The following ABCA1 variants were observed in gnomAD, a reference collection of about 807,000 sequenced individuals.
ABCA1 encodes phospholipid-transporting ATPase ABCA1.
Under a neutral mutation model 262.5 loss-of-function variants are expected in ABCA1, and 133 were observed. The observed-to-expected ratio is 0.51, with a 90% CI of 0.44 to 0.59. The LOEUF (loss-of-function observed/expected upper bound fraction) is 0.59, where lower values mean the gene tolerates loss of function less well. Ranked by LOEUF, ABCA1 falls within the 20% of genes least tolerant of loss-of-function variation. The pLI is 0.00. For synonymous variants in ABCA1, 1,022 were observed against 1,043.5 expected, an observed-to-expected ratio of 0.98 and a Z score of 0.40; for missense variants, 2,452 against 2,777.5, an observed-to-expected ratio of 0.88 and a Z score of 2.63.
At chr9:104,856,680 A>G (rs1465227770) in intron 7 of ABCA1, among the ~76,000 whole-genome samples, 1 of 152,188 alleles carries the variant, frequency 6.6e-6, no homozygotes, top group Non-Finnish European at 1.5e-5. Flanking sequence ...ATAGGTGTTT[A>G]ATGAGTAAAC....
chr9:104,910,135 G>A (rs1275977147), intron 1 of ABCA1, among the ~76,000 whole-genome samples: 1 of 152,170 alleles, frequency 6.6e-6, no homozygotes, highest in African/African-American at 2.4e-5. Context: ...TCCAGAAGAG[G>A]GAAGTCTCCA....
chr9:104,825,978 A>C, intron 16 of ABCA1, 91 bp from the exon 17 acceptor site: 1 of 1,330,610 alleles, frequency 7.5e-7, no homozygotes, highest in Non-Finnish European at 1.1e-6. Context: ...GAGAAATTTG[A>C]ATTTGCAAAA....
chr9:104,888,063 GTGTGT>G (rs1839353949), intron 3 of ABCA1, among the ~76,000 whole-genome samples: 1 of 137,792 alleles, frequency 7.3e-6, no homozygotes, highest in African/African-American at 2.5e-5. Context: ...TGAGGGGTGT[GTGTGT>G]GTGTGTGTGT....
chr9:104,784,939 C>T (rs897284176), intron 49 of ABCA1, among the ~76,000 whole-genome samples: 34 of 152,130 alleles, frequency 2.2e-4, no homozygotes, highest in Admixed American at 1.3e-3. Flanking sequence ...CCACCACGCC[C>T]GGCCAAAAAC....
intron 5 of ABCA1, among the ~76,000 whole-genome samples, chr9:104,877,866 C>A (rs1385568664): frequency 6.6e-6 from 1 of 152,228 alleles, no homozygotes; most frequent in African/African-American, 2.4e-5. Context: ...TTCCAATCTT[C>A]AATCATTTAC....
chr9:104,842,085 T>G (rs1211424138), intron 8 of ABCA1, among the ~76,000 whole-genome samples: 2 of 152,140 alleles, frequency 1.3e-5, no homozygotes, highest in African/African-American at 4.8e-5. Flanking sequence ...CTGGTTCCTG[T>G]GAGTGGCGTG....
rs745530790 is a variant in ABCA1, at chr9:104,817,422, G to A, written c.3463-18C>T. On this transcript the variant is annotated intron_variant, in intron 23 of 49. Transcript: ENST00000374736. This position sits in a 1 kb window ranked among gnomAD's most constrained non-coding sequence, Gnocchi z 4.7. ...CTGTCCTCCTGATGGCAAAGAAGGA[G>A]GTGAGAACGGGTCAGGGACGGAGCA... 1 of 1,614,130 alleles carries A rather than the reference G, an allele frequency of 6.2e-7. No homozygotes were observed. The highest frequency in any genetic ancestry group is 1.1e-5 in the South Asian group (1 of 91,084).
chr9:104,796,616 G>A (rs1273735023), intron 37 of ABCA1, among the ~76,000 whole-genome samples, 192 bp from the exon 38 acceptor site: 1 of 152,212 alleles, frequency 6.6e-6, no homozygotes, highest in African/African-American at 2.4e-5. Context: ...CCCCTTGGCT[G>A]ATTTTATAAA....
At chr9:104,926,668 C>A (rs1161029181) in intron 1 of ABCA1, among the ~76,000 whole-genome samples, 2 of 152,288 alleles carry the variant, frequency 1.3e-5, no homozygotes, top group African/African-American at 2.4e-5. Context: ...CCCAGCACCC[C>A]CACCCTCACG....
chr9:104,837,503 T>A lies in ABCA1; in HGVS notation c.1119A>T (p.Lys373Asn), dbSNP rs1257722722. 6.2e-7 allele frequency: 1 copy of A among 1,614,152 alleles called. No individual in the cohort carries two copies. The highest frequency in any genetic ancestry group is 1.7e-5 in the Admixed American group (1 of 60,032). Reference protein sequence around the residue: ...ESSPLSRIIWKALKPLLVGKI... With the variant: ...ESSPLSRIIWNALKPLLVGKI... ...TCCCAACGAGCAGCGGCTTCAGAGC[T>A]TTCCAGATAATGCGGGAAAGAGGAC... The change falls in exon 10 of 50, where the codon AAA becomes AAT. Residue 373 changes from lysine to asparagine, a missense_variant. By Grantham distance (94) the Lys-to-Asn change is moderately conservative. Coordinates refer to ENST00000374736, the MANE Select transcript of ABCA1 (RefSeq NM_005502.4).
chr9:104,881,538 T>G (rs1279716926), intron 5 of ABCA1, among the ~76,000 whole-genome samples: 1 of 152,204 alleles, frequency 6.6e-6, no homozygotes, highest in East Asian at 1.9e-4. Context: ...TTTTAAGCAA[T>G]TACATGTTTT....
At chr9:104,881,700 T>C (rs1355513418) in intron 5 of ABCA1, among the ~76,000 whole-genome samples, 4 of 152,146 alleles carry the variant, frequency 2.6e-5, no homozygotes, top group Non-Finnish European at 4.4e-5. Context: ...CAGCTGTGCC[T>C]CTGGTCAATC....
At chr9:104,893,841 A>C (rs3858076) in intron 2 of ABCA1, among the ~76,000 whole-genome samples, 29,170 of 152,118 alleles carry the variant, frequency 0.19, 3,573 homozygotes, top group African/African-American at 0.34. Context: ...CACTAGGTGG[A>C]ATGGTCTAGA....
chr9:104,909,624 ACACACACAC>A (rs2118470152), intron 1 of ABCA1, among the ~76,000 whole-genome samples: 1 of 148,426 alleles, frequency 6.7e-6, no homozygotes, highest in South Asian at 2.2e-4. Flanking sequence ...ACACACACAC[ACACACACAC>A]ACACACACAC....
intron 2 of ABCA1, among the ~76,000 whole-genome samples, chr9:104,891,352 G>A (rs947112610): frequency 6.6e-6 from 1 of 152,108 alleles, no homozygotes; most frequent in Non-Finnish European, 1.5e-5. Flanking sequence ...CTGAGGTCAG[G>A]AGTTGGAGAC....
intron 15 of ABCA1, among the ~76,000 whole-genome samples, chr9:104,828,515 G>A (rs917949490): frequency 5.9e-5 from 9 of 152,200 alleles, no homozygotes; most frequent in Admixed American, 6.5e-5. Context: ...CTTCCAGACA[G>A]TCTAACCTGC....
rs1196749404 is a variant in ABCA1 at position 104,781,412 on chromosome 9, T to C, written c.*2903A>G. The C allele has an allele frequency of 6.7e-6, 1 of 149,130 alleles. No individual in the cohort carries two copies. The highest frequency in any genetic ancestry group is 2.5e-5 in the African/African-American group (1 of 39,882). The allele number at this position is 149,130 out of a possible 1,614,324, so 9.2% of individuals were successfully genotyped here. On this transcript the variant is annotated 3_prime_UTR_variant, in exon 50 of 50. Transcript: ENST00000374736. ...ACAGTATTACATTATTACTAGTAGA[T>C]AATAACAAGGGTACAAATTAATGTC... is the stretch of plus-strand genomic sequence containing the variant.
At chr9:104,917,437 C>CTA (rs138059888) in intron 1 of ABCA1, among the ~76,000 whole-genome samples, 5 of 152,118 alleles carry the variant, frequency 3.3e-5, no homozygotes, top group Admixed American at 2.6e-4. Context: ...CTTCTTCAGC[C>CTA]TATATATAAC....
intron 5 of ABCA1, among the ~76,000 whole-genome samples, chr9:104,868,611 T>C (rs1324464056): frequency 6.6e-6 from 1 of 152,142 alleles, no homozygotes; most frequent in Admixed American, 6.5e-5. Flanking sequence ...ACCAAAATAC[T>C]TGACCTGCTG....
Sources: allele counts gnomAD v4.1 joint callset (sites outside exome capture counted in the v4.1 genomes callset), GRCh38; gene constraint gnomAD v4.1.1; non-coding constraint Gnocchi (gnomAD v3.1); transcripts MANE v1.5; gene names NCBI Gene and HGNC (gene_info 2026-07-23, HGNC 2026-07-21).